Variants in FRS2 observed in about 807,000 individuals in gnomAD.
The protein encoded by FRS2 is fibroblast growth factor receptor substrate 2, also known as FGFR signalling adaptor.
A neutral mutation model predicts 43.9 loss-of-function variants in FRS2; 8 were observed. The observed-to-expected ratio is 0.18, with a 90% CI of 0.11 to 0.33. The LOEUF is 0.33. Among genes scored for constraint, FRS2 ranks in the 10% least tolerant of loss-of-function variants. FRS2 has a pLI of 1.00. For missense variants in FRS2, 534 were observed against 627.6 expected (o/e 0.85, Z 1.59); for synonymous variants, 219 against 220.3 (o/e 0.99, Z 0.05).
At chr12:69,501,295 A>G (rs1336134015) in intron 1 of FRS2, among the ~76,000 whole-genome samples, 1 of 152,186 alleles carries the variant, frequency 6.6e-6, no homozygotes, top group Non-Finnish European at 1.5e-5. Flanking sequence ...AAAGCTCTGT[A>G]ATGTACCTGA....
intron 1 of FRS2, among the ~76,000 whole-genome samples, chr12:69,485,134 C>CACACACACACACACACACACAA (rs1194988609): frequency 7.4e-6 from 1 of 134,352 alleles, no homozygotes; most frequent in Non-Finnish European, 1.6e-5. Context: ...CACACACACA[C>CACACACACACACACACACACAA]ACTCTCACCC....
At chr12:69,471,768 G>A (rs771517547) in intron 1 of FRS2, among the ~76,000 whole-genome samples, 2 of 152,338 alleles carry the variant, frequency 1.3e-5, no homozygotes, top group South Asian at 2.1e-4. Flanking sequence ...TTTTTGCAGC[G>A]TAAAGTATTC....
chr12:69,472,655 T>G (rs1462579061), intron 1 of FRS2, among the ~76,000 whole-genome samples: 1 of 152,160 alleles, frequency 6.6e-6, no homozygotes, highest in African/African-American at 2.4e-5. Flanking sequence ...CAACAAACAC[T>G]GAGCATTTGC....
chr12:69,561,961 A>G (rs1018760736), intron 3 of FRS2, among the ~76,000 whole-genome samples: 3 of 152,220 alleles, frequency 2.0e-5, no homozygotes, highest in Non-Finnish European at 4.4e-5. Context: ...AACTTAGACT[A>G]TCACATTTTT....
At chr12:69,503,240 C>T (rs569226357) in intron 1 of FRS2, among the ~76,000 whole-genome samples, 4 of 152,300 alleles carry the variant, frequency 2.6e-5, no homozygotes, top group South Asian at 2.1e-4. Flanking sequence ...CATATGCCCC[C>T]CCTCCATTTT....
intron 3 of FRS2, among the ~76,000 whole-genome samples, chr12:69,534,568 A>G (rs1184668087): frequency 1.3e-5 from 2 of 152,210 alleles, no homozygotes; most frequent in African/African-American, 4.8e-5. Flanking sequence ...TTAGGAGTAC[A>G]GGGTTGCTAA....
At position 69,479,733 on chromosome 12, in the gene FRS2, T is replaced by C. The variant is rs1399096639; in HGVS notation, c.-261+9203T>C. Reference sequence around the variant, plus strand: ...TCTTTATGGCTAGTTTTAGAACTGCTACTTTGTTCTTGGTGATCTGCATTT... The same window carrying C: ...TCTTTATGGCTAGTTTTAGAACTGCCACTTTGTTCTTGGTGATCTGCATTT... On this transcript the variant is annotated intron_variant, in intron 1 of 8. Coordinates refer to ENST00000549921, the MANE Select transcript of FRS2 (RefSeq NM_001278356.2). Among the ~76,000 whole-genome samples the C allele has an allele frequency of 2.0e-5, 3 of 152,218 alleles. No homozygotes were observed. The East Asian group carries it at 5.8e-4, about 29-fold the overall frequency.
chr12:69,523,365 T>TGC (rs1215805488), intron 1 of FRS2, among the ~76,000 whole-genome samples: 1 of 152,208 alleles, frequency 6.6e-6, no homozygotes, highest in Non-Finnish European at 1.5e-5. Context: ...TTTGTTGGTT[T>TGC]AAGGTTTGTT....
At chr12:69,546,928 C>A (rs372528433) in intron 3 of FRS2, among the ~76,000 whole-genome samples, 146 of 152,296 alleles carry the variant, frequency 9.6e-4, no homozygotes, top group African/African-American at 3.4e-3. Context: ...ACACCCATAT[C>A]TATTTGTACA....
intron 1 of FRS2, among the ~76,000 whole-genome samples, chr12:69,521,956 A>T (rs1022787884): frequency 9.9e-5 from 15 of 152,126 alleles, no homozygotes; most frequent in Non-Finnish European, 5.9e-5. Context: ...AATTTTATTG[A>T]GAGCCTTTTC....
intron 2 of FRS2, 135 bp from the exon 3 acceptor site, chr12:69,531,879 G>C (rs768979063): frequency 6.6e-6 from 1 of 152,556 alleles, no homozygotes; most frequent in Admixed American, 6.5e-5. Flanking sequence ...GAGACCAACT[G>C]TCTCTCAAGC....
chr12:69,534,895 TGATA>T (rs1206437402), intron 3 of FRS2, among the ~76,000 whole-genome samples: 1 of 152,208 alleles, frequency 6.6e-6, no homozygotes, highest in Non-Finnish European at 1.5e-5. Flanking sequence ...TTATTTTGCT[TGATA>T]GATACATATT....
rs1165108524 is a variant in FRS2, at chr12:69,516,196, G to GATTATT, written c.-260-14652_-260-14647dup. On this transcript the variant is annotated intron_variant, in intron 1 of 8. Transcript: ENST00000549921. ...AGATATATTTTTGTAAAAGTGAGTAGATTATTATTATTATTATTATTACTA... is the reference window on the plus strand; with the variant it reads ...AGATATATTTTTGTAAAAGTGAGTAGATTATTATTATTATTATTATTATTATTACTA... Among the ~76,000 whole-genome samples the GATTATT allele has an allele frequency of 9.3e-5, 14 of 150,494 alleles. No individual in the cohort carries two copies. In the East Asian group the frequency reaches 1.4e-3, roughly 15 times the overall value.
At chr12:69,562,872 G>A (rs955474931) in intron 4 of FRS2, among the ~76,000 whole-genome samples, 80 of 151,230 alleles carry the variant, frequency 5.3e-4, no homozygotes, top group African/African-American at 1.8e-3. Context: ...TATTTTTTGT[G>A]GAGACAGAGT....
intron 1 of FRS2, among the ~76,000 whole-genome samples, chr12:69,500,689 A>ATATGAACTGTC (rs955101636): frequency 6.6e-6 from 1 of 152,162 alleles, no homozygotes; most frequent in Non-Finnish European, 1.5e-5. Flanking sequence ...ATCTTTTTAT[A>ATATGAACTGTC]TATGAACTGT....
intron 3 of FRS2, among the ~76,000 whole-genome samples, chr12:69,557,120 G>A (rs189038425): frequency 2.0e-5 from 3 of 152,256 alleles, no homozygotes; most frequent in Middle Eastern, 3.4e-3. Context: ...TTTTTCATAA[G>A]TTAAGTATTT....
rs78974977 is a variant in FRS2, at chr12:69,560,650, T to G, written c.-121-1530T>G. 3.3e-5 allele frequency among the ~76,000 whole-genome samples: 5 copies of G among 152,314 alleles called. No homozygotes were observed. In the East Asian group the frequency reaches 9.6e-4, roughly 29 times the overall value. On this transcript the variant is annotated intron_variant, in intron 3 of 8. Transcript: ENST00000549921. ...TATGTACCTGATTGGTTGTTTGGAT[T>G]AAATGAGATAATCCAAATGACTCTA...
intron 3 of FRS2, among the ~76,000 whole-genome samples, chr12:69,544,128 G>A (rs1157868391): frequency 6.6e-6 from 1 of 150,432 alleles, no homozygotes; most frequent in Non-Finnish European, 1.5e-5. Context: ...TAAGAGTACT[G>A]GAACTTAACA....
intron 1 of FRS2, among the ~76,000 whole-genome samples, chr12:69,502,275 C>A (rs1462312365): frequency 6.6e-6 from 1 of 151,986 alleles, no homozygotes; most frequent in African/African-American, 2.4e-5. Flanking sequence ...TAACACCTAT[C>A]TTTTGTATTA....
Sources: gnomAD v4.1 joint callset for allele counts (sites outside exome capture counted in the v4.1 genomes callset) on GRCh38, gnomAD v4.1.1 for gene constraint, MANE v1.5 for transcripts, NCBI Gene and HGNC (gene_info 2026-07-23, HGNC 2026-07-21) for gene names.